HLF: variants seen among roughly 807,000 people sequenced by gnomAD.
HLF encodes the protein hepatic leukemia factor.
In HLF, 3 loss-of-function variants were observed where a neutral mutation model predicts 22.6. That is an observed-to-expected ratio of 0.13 (90% CI 0.06 to 0.34). The LOEUF is 0.34. Ranked by LOEUF, HLF falls within the 10% of genes least tolerant of loss-of-function variation. The pLI is 1.00. For synonymous variants in HLF, 151 were observed against 151.8 expected, an observed-to-expected ratio of 0.99 and a Z score of 0.04; for missense variants, 299 against 389.2, an observed-to-expected ratio of 0.77 and a Z score of 1.95.
At chr17:55,300,098 C>G (rs2081143828) in intron 2 of HLF, among the ~76,000 whole-genome samples, 1 of 152,212 alleles carries the variant, frequency 6.6e-6, no homozygotes, top group South Asian at 2.1e-4. Context: ...CTCAGCCTCC[C>G]AAAGTGCTGG....
At chr17:55,278,022 A>G (rs2080921838) in intron 2 of HLF, among the ~76,000 whole-genome samples, 1 of 152,202 alleles carries the variant, frequency 6.6e-6, no homozygotes, top group Non-Finnish European at 1.5e-5. Context: ...CTGAAAAACT[A>G]CACAGCTCCC....
At chr17:55,271,703 T>C (rs80144491) in intron 2 of HLF, 1 of 152,288 alleles carries the variant, frequency 6.6e-6, no homozygotes, top group Non-Finnish European at 1.5e-5. Context: ...CTAATTTTTG[T>C]ATTTTTAGTA....
At chr17:55,318,091 G>C (rs191099184) in intron 3 of HLF, among the ~76,000 whole-genome samples, 1 of 152,154 alleles carries the variant, frequency 6.6e-6, no homozygotes, top group East Asian at 1.9e-4. Context: ...TGATCTGTTG[G>C]GTGGGGCGGG....
intron 2 of HLF, among the ~76,000 whole-genome samples, chr17:55,270,700 G>A (rs946493731): frequency 2.4e-4 from 31 of 129,478 alleles, no homozygotes; most frequent in Non-Finnish European, 3.6e-4. Context: ...TCGCTCTGTC[G>A]CCCAGGCTGG....
intron 2 of HLF, among the ~76,000 whole-genome samples, chr17:55,270,928 C>T (rs552754081): frequency 3.9e-5 from 6 of 152,210 alleles, no homozygotes; most frequent in African/African-American, 1.4e-4. Context: ...AGGCGTGAGC[C>T]ACCGCGCCCG....
chr17:55,284,736 C>T (rs1010608423), intron 2 of HLF, among the ~76,000 whole-genome samples: 3 of 152,150 alleles, frequency 2.0e-5, no homozygotes, highest in Admixed American at 6.5e-5. Context: ...CAGAAGTTAC[C>T]TGGGTCCTGG....
rs545042913 is a variant in HLF at position 55,265,369 on chromosome 17, G to C, written c.-116G>C. On this transcript the variant is annotated 5_prime_UTR_variant, in exon 1 of 4. Coordinates refer to ENST00000226067, the MANE Select transcript of HLF (RefSeq NM_002126.5). The stretch of plus-strand genomic sequence containing the variant: ...ATTTTTTTCTTCCCTTTTCTCCACC[G>C]CCTTGAGAGCGAGTACTTTTGGCAA... 31 of 634,656 alleles carry C rather than the reference G, an allele frequency of 4.9e-5. No homozygotes were observed. The highest frequency in any genetic ancestry group is 4.7e-4 in the East Asian group (16 of 33,864). The allele number at this position is 634,656 out of a possible 1,614,324, so 39.3% of individuals were successfully genotyped here. A position where few individuals can be genotyped will look rare whatever the true frequency, so the allele number is the denominator to read the frequency against.
chr17:55,276,539 G>C (rs186148317), intron 2 of HLF, among the ~76,000 whole-genome samples: 3 of 152,302 alleles, frequency 2.0e-5, no homozygotes, highest in Admixed American at 6.5e-5. Flanking sequence ...GCCTGTGATG[G>C]GCCCGGAAGG....
At chr17:55,307,263 C>G (rs375466985) in intron 2 of HLF, among the ~76,000 whole-genome samples, 1 of 148,380 alleles carries the variant, frequency 6.7e-6, no homozygotes, top group Non-Finnish European at 1.5e-5. Context: ...AGGTGATTCT[C>G]CTGCCTCAGC....
At chr17:55,288,967 T>C (rs2081033729) in intron 2 of HLF, 2 of 984,080 alleles carry the variant, frequency 2.0e-6, no homozygotes, top group Non-Finnish European at 2.4e-6. Context: ...AGGTTCTTAA[T>C]TGGGATTTTT....
intron 2 of HLF, among the ~76,000 whole-genome samples, chr17:55,299,013 T>C (rs767648944): frequency 1.4e-4 from 21 of 152,226 alleles, no homozygotes; most frequent in Non-Finnish European, 2.6e-4. Flanking sequence ...GTTCTTCCCA[T>C]GATACCTCAT....
Position 55,323,850 on chromosome 17 carries a change from GATTA to G in HLF, c.*2976_*2979del, listed in dbSNP as rs768752179. On this transcript the variant is annotated 3_prime_UTR_variant, in exon 4 of 4. Coordinates refer to ENST00000226067, the MANE Select transcript of HLF (RefSeq NM_002126.5). Reference sequence around the variant, plus strand: ...CTTTTCATCCTAAGCATCTTTCAGAGATTAATTATTTGGCCATTAACAATGAATC... The same window carrying G: ...CTTTTCATCCTAAGCATCTTTCAGAGATTATTTGGCCATTAACAATGAATC... 7 of 229,846 alleles carry G rather than the reference GATTA, an allele frequency of 3.0e-5. No individual in the cohort carries two copies. Among genetic ancestry groups the G allele is most frequent in the African/African-American group, 1.1e-4 (5 of 45,222 alleles). 14.2% of individuals were successfully genotyped at this position (229,846 alleles called of 1,614,324 possible). A position where few individuals can be genotyped will look rare whatever the true frequency, so the allele number is the denominator to read the frequency against.
chr17:55,265,672 C>A, intron 1 of HLF, 73 bp downstream of exon 1: 2 of 1,206,122 alleles, frequency 1.7e-6, no homozygotes, highest in Non-Finnish European at 2.3e-6. Context: ...CGGGCACGCC[C>A]GCTGGAGCAT....
intron 2 of HLF, among the ~76,000 whole-genome samples, chr17:55,302,791 T>C (rs913017334): frequency 1.1e-4 from 16 of 152,180 alleles, no homozygotes; most frequent in African/African-American, 3.6e-4. Flanking sequence ...GTGGTGCTGA[T>C]TCAAGTGGCG....
In HLF at chr17:55,304,691, G is replaced by T. The variant is rs1272240824; in HGVS notation, c.452-10536G>T. On this transcript the variant is annotated intron_variant, in intron 2 of 3. Coordinates refer to ENST00000226067, the MANE Select transcript of HLF (RefSeq NM_002126.5). ...GGGTGACATCTAACAGGCTTTGCTT[G>T]GGCTGTAGCTAGAGGGAAATGGGAG... Among the ~76,000 whole-genome samples, 3 of 152,212 alleles carry T rather than the reference G, an allele frequency of 2.0e-5. No individual in the cohort carries two copies. The East Asian group carries it at 5.8e-4, about 29-fold the overall frequency.
chr17:55,270,656 CTTTTT>C (rs10712714), intron 2 of HLF, among the ~76,000 whole-genome samples: 2 of 84,742 alleles, frequency 2.4e-5, no homozygotes, highest in East Asian at 3.3e-4. Flanking sequence ...TTGGGTAAAT[CTTTTT>C]TTTTTTTTTT....
At chr17:55,290,447 A>G (rs1299425983) in intron 2 of HLF, among the ~76,000 whole-genome samples, 1 of 152,072 alleles carries the variant, frequency 6.6e-6, no homozygotes, top group Non-Finnish European at 1.5e-5. Context: ...CATTATTATT[A>G]TATGTGCTAT....
chr17:55,309,063 T>G (rs575433739), intron 2 of HLF, among the ~76,000 whole-genome samples: 28 of 152,138 alleles, frequency 1.8e-4, no homozygotes, highest in Admixed American at 9.8e-4. Flanking sequence ...TGTTGGCCAG[T>G]GCAAGTCAGA....
intron 2 of HLF, among the ~76,000 whole-genome samples, chr17:55,270,213 G>A (rs1444548847): frequency 6.6e-6 from 1 of 152,168 alleles, no homozygotes; most frequent in African/African-American, 2.4e-5. Context: ...AACACTGAGG[G>A]TCTAGAAATA....
Sources: gnomAD v4.1 joint callset for allele counts (sites outside exome capture counted in the v4.1 genomes callset) on GRCh38, gnomAD v4.1.1 for gene constraint, MANE v1.5 for transcripts, NCBI Gene and HGNC (gene_info 2026-07-23, HGNC 2026-07-21) for gene names.